Variants in ME1 observed in about 807,000 individuals in gnomAD.
The protein encoded by ME1 is malic enzyme 1.
Under a neutral mutation model 66.4 loss-of-function variants are expected in ME1, and 74 were observed. The ratio of observed to expected loss-of-function variants is 1.11; its 90% CI spans 0.92 to 1.35. ME1 has a LOEUF of 1.35. Ranked by LOEUF, ME1 falls within the 40% of genes most tolerant of loss-of-function variation. ME1 has a pLI of 0.00. For synonymous variants in ME1, 251 were observed against 235.6 expected, an observed-to-expected ratio of 1.07 and a Z score of -0.60; for missense variants, 750 against 694.1, an observed-to-expected ratio of 1.08 and a Z score of -0.90.
chr6:83,266,036 A>G (rs1328983885), intron 6 of ME1, among the ~76,000 whole-genome samples: 4 of 152,200 alleles, frequency 2.6e-5, no homozygotes, highest in African/African-American at 9.6e-5. Context: ...ACTTAAAATA[A>G]TTGCTTGTAG....
At chr6:83,429,148 A>T (rs1053425980) in intron 1 of ME1, among the ~76,000 whole-genome samples, 27 of 152,256 alleles carry the variant, frequency 1.8e-4, no homozygotes, top group African/African-American at 6.3e-4. Flanking sequence ...TTGTAGTCTC[A>T]GCTACTCGGG....
chr6:83,264,932 C>T (rs1010432268), intron 6 of ME1, among the ~76,000 whole-genome samples: 1 of 152,172 alleles, frequency 6.6e-6, no homozygotes, highest in Non-Finnish European at 1.5e-5. Context: ...AAAGGATTGA[C>T]TCCAATATTG....
chr6:83,306,480 A>G lies in ME1; in HGVS notation c.704+8830T>C, dbSNP rs534520732. ...AATGTTTACAAATTCTAAGAGAAAA[A>G]GATAGGTAACAATGGATACAACAGG... On this transcript the variant is annotated intron_variant, in intron 6 of 13. Transcript: ENST00000369705. Among the ~76,000 whole-genome samples, 6 of 152,178 alleles carry G rather than the reference A, an allele frequency of 3.9e-5. No individual in the cohort carries two copies. In the East Asian group the frequency reaches 1.2e-3, roughly 29 times the overall value.
chr6:83,430,912 C>G lies in ME1; in HGVS notation c.43G>C (p.Gly15Arg), dbSNP rs566956678. The change falls in exon 1 of 14, where the codon GGC (glycine) becomes CGC (arginine). Residue 15 changes from glycine (G) to arginine (R), a missense_variant. Gly to Arg is a moderately radical substitution (Grantham distance 125). Coordinates refer to ENST00000369705, the MANE Select transcript of ME1 (RefSeq NM_002395.6). Reference protein sequence around the residue: ...APRRRHTHQRGYLLTRNPHLN... With the variant: ...APRRRHTHQRRYLLTRNPHLN... ...TGAGGGTTCCGTGTCAGCAGGTAGC[C>G]GCGCTGATGGGTGTGGCGGCGACGG... is the stretch of plus-strand genomic sequence containing the variant. 13 of 1,602,206 alleles carry G rather than the reference C, an allele frequency of 8.1e-6. No individual in the cohort carries two copies. The highest frequency in any genetic ancestry group is 3.4e-5 in the Admixed American group (2 of 59,088).
At chr6:83,394,845 A>C (rs888819663) in intron 3 of ME1, among the ~76,000 whole-genome samples, 1 of 152,184 alleles carries the variant, frequency 6.6e-6, no homozygotes, top group African/African-American at 2.4e-5. Context: ...TAATATAATG[A>C]ATAAGTAGTG....
chr6:83,301,986 C>T (rs1023545153), intron 6 of ME1, among the ~76,000 whole-genome samples: 12 of 152,078 alleles, frequency 7.9e-5, no homozygotes, highest in African/African-American at 2.9e-4. Flanking sequence ...ACCATAAAGA[C>T]ACATGCACAT....
intron 7 of ME1, among the ~76,000 whole-genome samples, chr6:83,253,166 G>A (rs1387787667): frequency 2.6e-5 from 4 of 151,966 alleles, no homozygotes; most frequent in African/African-American, 9.7e-5. Flanking sequence ...GCTTAAAGAG[G>A]AAAAAATTTG....
chr6:83,275,464 C>CT (rs767009219), intron 6 of ME1, among the ~76,000 whole-genome samples: 8,069 of 119,720 alleles, frequency 0.067, 820 homozygotes, highest in African/African-American at 0.17. Flanking sequence ...TAGTTTTGAT[C>CT]TTTTTTTTTT....
chr6:83,371,559 G>A (rs1769193905), intron 3 of ME1, among the ~76,000 whole-genome samples: 1 of 152,172 alleles, frequency 6.6e-6, no homozygotes, highest in African/African-American at 2.4e-5. Flanking sequence ...TGTATCAACA[G>A]AAAAATATAA....
At chr6:83,291,813 C>T (rs530709219) in intron 6 of ME1, among the ~76,000 whole-genome samples, 17 of 152,074 alleles carry the variant, frequency 1.1e-4, no homozygotes, top group African/African-American at 3.1e-4. Flanking sequence ...AGGTTTTGTT[C>T]GTTTCTTTTC....
At chr6:83,299,009 T>C (rs1226015438) in intron 6 of ME1, among the ~76,000 whole-genome samples, 2 of 141,874 alleles carry the variant, frequency 1.4e-5, no homozygotes, top group African/African-American at 5.2e-5. Flanking sequence ...TAGCCTTGTG[T>C]ATAGTTTGAA....
At chr6:83,244,678 C>G (rs1562458013) in intron 7 of ME1, among the ~76,000 whole-genome samples, 1 of 151,994 alleles carries the variant, frequency 6.6e-6, no homozygotes, top group Admixed American at 6.6e-5. Flanking sequence ...GAAATAGTTA[C>G]ATACAATCTG....
chr6:83,279,687 C>T (rs1257384752), intron 6 of ME1, among the ~76,000 whole-genome samples: 1 of 151,930 alleles, frequency 6.6e-6, no homozygotes, highest in Non-Finnish European at 1.5e-5. Flanking sequence ...AATGAGAATA[C>T]AAGAAAGAGA....
chr6:83,383,791 T>C (rs926787114), intron 3 of ME1, among the ~76,000 whole-genome samples: 1 of 151,892 alleles, frequency 6.6e-6, no homozygotes, highest in Admixed American at 6.6e-5. Context: ...TTTATACTGT[T>C]AAATGAGAAA....
At chr6:83,273,914 T>C (rs182920462) in intron 6 of ME1, among the ~76,000 whole-genome samples, 8 of 152,322 alleles carry the variant, frequency 5.3e-5, no homozygotes, top group East Asian at 1.9e-4. Context: ...ATCCTACTTT[T>C]ACAGTGTAAA....
At position 83,316,655 on chromosome 6, in the gene ME1, G is replaced by A. The variant is rs558146501; in HGVS notation, c.601-1242C>T. The stretch of plus-strand genomic sequence containing the variant: ...TTTTTATTTGTACACATATAATTGT[G>A]TACATAGAAAATACTAAGAAATCTA... On this transcript the variant is annotated intron_variant, in intron 5 of 13. Coordinates refer to ENST00000369705, the MANE Select transcript of ME1 (RefSeq NM_002395.6). 7.3e-5 allele frequency among the ~76,000 whole-genome samples: 11 copies of A among 151,654 alleles called. No homozygotes were observed. The South Asian group carries it at 2.3e-3, about 32-fold the overall frequency.
chr6:83,237,776 G>C lies in ME1; in HGVS notation c.967C>G (p.Pro323Ala). ...ATCTTTTTGATGGCTTTCTCTTTTG[G>C]TAAACCTTCTTTTTCCAAGGCCATC... ...IVMALEKEGLPKEKAIKKIWL... is the reference protein window; with the variant it reads ...IVMALEKEGLAKEKAIKKIWL... Residue 323 changes from proline (P) to alanine (A), a missense_variant, in exon 9 of 14, where the codon CCA becomes GCA. Transcript: ENST00000369705. 6.2e-7 allele frequency: 1 copy of C among 1,607,822 alleles called. No homozygotes were observed. Among genetic ancestry groups the C allele is most frequent in the Non-Finnish European group, 8.5e-7 (1 of 1,176,880 alleles).
intron 7 of ME1, among the ~76,000 whole-genome samples, chr6:83,247,583 T>A (rs1186762393): frequency 6.6e-6 from 1 of 152,242 alleles, no homozygotes; most frequent in Non-Finnish European, 1.5e-5. Context: ...CACATTTATT[T>A]ACATGGTAAG....
At chr6:83,311,726 A>G (rs1767934712) in intron 6 of ME1, among the ~76,000 whole-genome samples, 1 of 152,096 alleles carries the variant, frequency 6.6e-6, no homozygotes. Flanking sequence ...ATGATATATA[A>G]CCAGCCTGAC....
Sources: gnomAD v4.1 joint callset for allele counts (sites outside exome capture counted in the v4.1 genomes callset) on GRCh38, gnomAD v4.1.1 for gene constraint, MANE v1.5 for transcripts, NCBI Gene and HGNC (gene_info 2026-07-23, HGNC 2026-07-21) for gene names.